The following RGS6 variants were observed in gnomAD, a reference collection of about 807,000 sequenced individuals.
RGS6 encodes the protein regulator of G-protein signaling 6.
Under a neutral mutation model 78.5 loss-of-function variants are expected in RGS6, and 30 were observed. The ratio of observed to expected loss-of-function variants is 0.38; its 90% CI spans 0.29 to 0.52. The LOEUF (loss-of-function observed/expected upper bound fraction) is 0.52. Among genes scored for constraint, RGS6 ranks in the 20% least tolerant of loss-of-function variants. The probability of loss-of-function intolerance (pLI) is 0.85; values close to 1 mark genes in which losing one functional copy is unlikely to be tolerated. For missense variants in RGS6, 495 were observed against 609.7 expected (o/e 0.81, Z 1.98); for synonymous variants, 206 against 206.0 (o/e 1.00, Z 0.00).
the RGS6 span, among the ~76,000 whole-genome samples, chr14:71,889,284 G>A: frequency 2.0e-4 from 30 of 152,216 alleles, no homozygotes; most frequent in East Asian, 2.5e-3. Context: ...ATATGATTGC[G>A]GGGAAGTACA....
intron 6 of RGS6, among the ~76,000 whole-genome samples, chr14:72,460,908 G>A (rs1223523828): frequency 1.3e-5 from 2 of 151,984 alleles, no homozygotes; most frequent in African/African-American, 2.4e-5. Context: ...CCAAGCTGAG[G>A]ATGGAATACA....
chr14:72,192,687 A>G (rs1330239301), intron 2 of RGS6, among the ~76,000 whole-genome samples: 1 of 152,262 alleles, frequency 6.6e-6, no homozygotes, highest in African/African-American at 2.4e-5. Flanking sequence ...GCCACAATAA[A>G]TAAAAGGCAA....
rs562956127 is a variant in RGS6, at chr14:72,080,850, G to A, written c.84+115975G>A. Among the ~76,000 whole-genome samples, 16 of 152,060 alleles carry A rather than the reference G, an allele frequency of 1.1e-4. No homozygotes were observed. The South Asian group carries it at 3.3e-3, about 32-fold the overall frequency. ...CATTGACTATGTGGATTTATTTCTG[G>A]GCTTTCTACCTTGTTCCATTGGCCT... is the stretch of plus-strand genomic sequence containing the variant. On this transcript the variant is annotated intron_variant, in intron 2 of 17. Transcript: ENST00000553525.
At chr14:72,239,996 A>G (rs1321572969) in intron 2 of RGS6, among the ~76,000 whole-genome samples, 2 of 152,120 alleles carry the variant, frequency 1.3e-5, no homozygotes, top group Admixed American at 1.3e-4. Flanking sequence ...TATATTAACT[A>G]GTAACTGTTG....
chr14:72,169,150 A>G (rs1305496965), intron 2 of RGS6, among the ~76,000 whole-genome samples: 1 of 152,224 alleles, frequency 6.6e-6, no homozygotes, highest in Non-Finnish European at 1.5e-5. Flanking sequence ...CAATTTTTCT[A>G]CAGAGAGAGG....
At chr14:72,214,945 G>A (rs751855950) in intron 2 of RGS6, among the ~76,000 whole-genome samples, 21 of 152,218 alleles carry the variant, frequency 1.4e-4, no homozygotes, top group Non-Finnish European at 2.6e-4. Flanking sequence ...TTTGCAATTT[G>A]CATAAATTTA....
the RGS6 span, among the ~76,000 whole-genome samples, chr14:72,573,348 C>T: frequency 6.6e-6 from 1 of 152,202 alleles, no homozygotes; most frequent in African/African-American, 2.4e-5. Flanking sequence ...CTTGGGTTCA[C>T]CACTAGTAGT....
Position 71,987,004 on chromosome 14 carries a change from C to T in RGS6, c.84+22129C>T, listed in dbSNP as rs558124983. On this transcript the variant is annotated intron_variant, in intron 2 of 17. Transcript: ENST00000553525. The stretch of plus-strand genomic sequence containing the variant: ...ACACACATAATCCAGGGGTACCTCC[C>T]CATCTCAGAGTCCTTAACTTAGTCC... 5.9e-4 allele frequency among the ~76,000 whole-genome samples: 90 copies of T among 152,290 alleles called. No homozygotes were observed. In the South Asian group the frequency reaches 9.3e-3, roughly 16 times the overall value.
chr14:72,106,292 A>G (rs988497231), intron 2 of RGS6, among the ~76,000 whole-genome samples: 12 of 152,220 alleles, frequency 7.9e-5, no homozygotes, highest in African/African-American at 2.9e-4. Context: ...TTCCCAAAAT[A>G]TGGTCTCCAG....
intron 17 of RGS6, chr14:72,540,778 C>T: frequency 2.0e-6 from 2 of 985,422 alleles, no homozygotes; most frequent in Non-Finnish European, 1.2e-6. Context: ...CTACCGGCCT[C>T]CTCAGGCCTT....
chr14:72,310,596 C>G (rs966565689), intron 2 of RGS6, among the ~76,000 whole-genome samples: 3 of 152,208 alleles, frequency 2.0e-5, no homozygotes, highest in Non-Finnish European at 2.9e-5. Context: ...CAAGTCTTGA[C>G]AAGATACAAT....
intron 3 of RGS6, among the ~76,000 whole-genome samples, chr14:72,380,407 A>G (rs2085760969): frequency 1.3e-5 from 2 of 152,042 alleles, no homozygotes; most frequent in Admixed American, 1.3e-4. Context: ...ATATATTCAA[A>G]CTTTTCATCT....
the RGS6 span, among the ~76,000 whole-genome samples, chr14:72,623,732 C>A: frequency 6.6e-6 from 1 of 152,090 alleles, no homozygotes; most frequent in African/African-American, 2.4e-5. Flanking sequence ...ATCTTTAAAA[C>A]AAGCAAAAAA....
intron 2 of RGS6, among the ~76,000 whole-genome samples, chr14:72,127,428 T>G (rs1192524699): frequency 6.6e-6 from 1 of 152,164 alleles, no homozygotes; most frequent in Admixed American, 6.5e-5. Context: ...TATTTAATTG[T>G]TTTTTCTCAA....
chr14:72,442,146 C>T (rs1020402971), intron 3 of RGS6, among the ~76,000 whole-genome samples: 3 of 151,680 alleles, frequency 2.0e-5, no homozygotes, highest in Non-Finnish European at 4.4e-5. Flanking sequence ...TGGTGTCTGG[C>T]AGAGAGTCTG....
intron 2 of RGS6, among the ~76,000 whole-genome samples, chr14:71,978,737 G>A (rs2094287167): frequency 1.3e-5 from 2 of 152,130 alleles, no homozygotes; most frequent in African/African-American, 4.8e-5. Flanking sequence ...TTTATGTTGT[G>A]TCTCTGCCAG....
At chr14:72,325,309 T>C (rs779929806) in intron 2 of RGS6, among the ~76,000 whole-genome samples, 9 of 152,228 alleles carry the variant, frequency 5.9e-5, no homozygotes, top group Admixed American at 2.0e-4. Context: ...ATGTTGCCTG[T>C]TCACTCTGAT....
At chr14:72,609,395 G>A in the RGS6 span, among the ~76,000 whole-genome samples, 3 of 152,128 alleles carry the variant, frequency 2.0e-5, no homozygotes, top group South Asian at 6.2e-4. Context: ...ATCAGGTGTG[G>A]GCTGCTTCCA....
At chr14:72,286,353 G>C (rs2062549188) in intron 2 of RGS6, among the ~76,000 whole-genome samples, 1 of 152,068 alleles carries the variant, frequency 6.6e-6, no homozygotes, top group Non-Finnish European at 1.5e-5. Context: ...TGTCTCTTCT[G>C]TTCCATTGAT....
Sources: allele counts gnomAD v4.1 joint callset (sites outside exome capture counted in the v4.1 genomes callset), GRCh38; gene constraint gnomAD v4.1.1; transcripts MANE v1.5; gene names NCBI Gene and HGNC (gene_info 2026-07-23, HGNC 2026-07-21).